The following RAPGEF5 variants were observed in gnomAD, a reference collection of about 807,000 sequenced individuals.
RAPGEF5 encodes M-Ras-regulated GEF.
RAPGEF5 carries 65 observed loss-of-function variants against 125.2 expected under a neutral mutation model. The observed-to-expected ratio is 0.52, with a 90% CI of 0.43 to 0.64. The LOEUF (loss-of-function observed/expected upper bound fraction) is 0.64. Ranked by LOEUF, RAPGEF5 falls within the 30% of genes least tolerant of loss-of-function variation. The pLI, the probability that RAPGEF5 is intolerant of heterozygous loss-of-function variation, is 0.00. For missense variants in RAPGEF5, 958 were observed against 1,048.1 expected, an observed-to-expected ratio of 0.91 and a Z score of 1.19; for synonymous variants, 391 against 385.9, an observed-to-expected ratio of 1.01 and a Z score of -0.16.
intron 6 of RAPGEF5, among the ~76,000 whole-genome samples, chr7:22,279,346 A>G (rs1293633761): frequency 6.6e-6 from 1 of 152,136 alleles, no homozygotes; most frequent in East Asian, 1.9e-4. Flanking sequence ...TCCAAACTCA[A>G]ATTAAATTAA....
intron 7 of RAPGEF5, among the ~76,000 whole-genome samples, chr7:22,252,735 T>C (rs1161016599): frequency 6.6e-6 from 1 of 152,150 alleles, no homozygotes; most frequent in Non-Finnish European, 1.5e-5. Context: ...AAAGATAGTG[T>C]CATGGGACTT....
At chr7:22,203,188 A>G (rs770806132) in intron 9 of RAPGEF5, among the ~76,000 whole-genome samples, 16 of 152,168 alleles carry the variant, frequency 1.1e-4, no homozygotes, top group Non-Finnish European at 1.9e-4. Flanking sequence ...CGGAACCTGC[A>G]GAAAAGGAGG....
Position 22,156,868 on chromosome 7 carries a change from T to G in RAPGEF5, c.1578A>C (p.Gln526His). The G allele has an allele frequency of 1.2e-6, 2 of 1,613,928 alleles. No individual in the cohort carries two copies. The highest frequency in any genetic ancestry group is 1.7e-6 in the Non-Finnish European group (2 of 1,179,840). ...PQKKNKALFH[Q>H]FSLKENWLQH... ...GGAGCCAGTTCTCCTTAAGACTGAA[T>G]TGGTGGAAAAGGGCTTTATTCTGTG... Residue 526 changes from glutamine to histidine, a missense_variant, in exon 16 of 26, where the codon CAA becomes CAC. Physicochemically the swap from Gln to His is conservative, Grantham distance 24. Transcript: ENST00000665637.
intron 1 of RAPGEF5, among the ~76,000 whole-genome samples, chr7:22,349,368 G>A (rs1784287053): frequency 6.6e-6 from 1 of 150,526 alleles, no homozygotes; most frequent in Admixed American, 6.6e-5. Context: ...AGGTTGCAGT[G>A]GGCTGAGATC....
chr7:22,132,317 C>CTA (rs1562705384), intron 23 of RAPGEF5, among the ~76,000 whole-genome samples: 4 of 151,868 alleles, frequency 2.6e-5, no homozygotes, highest in Non-Finnish European at 5.9e-5. Flanking sequence ...TTCCTCAAGG[C>CTA]GTTATACACA....
intron 2 of RAPGEF5, among the ~76,000 whole-genome samples, chr7:22,316,909 T>C (rs1783612381): frequency 6.6e-6 from 1 of 150,838 alleles, no homozygotes; most frequent in Admixed American, 6.6e-5. Context: ...TGATATCATC[T>C]CCTAAATACA....
At chr7:22,178,908 T>C (rs1304587821) in intron 11 of RAPGEF5, among the ~76,000 whole-genome samples, 1 of 152,142 alleles carries the variant, frequency 6.6e-6, no homozygotes, top group Admixed American at 6.5e-5. Context: ...GCTCCCATCC[T>C]GAAGCTATCT....
At chr7:22,158,464 G>C (rs1335949049) in intron 14 of RAPGEF5, among the ~76,000 whole-genome samples, 4 of 152,018 alleles carry the variant, frequency 2.6e-5, no homozygotes, top group Non-Finnish European at 5.9e-5. Context: ...ACATCATTAG[G>C]TGAACTATAA....
chr7:22,306,565 A>G (rs1783346856), intron 5 of RAPGEF5, among the ~76,000 whole-genome samples: 1 of 152,154 alleles, frequency 6.6e-6, no homozygotes. Flanking sequence ...GAAGATCTTC[A>G]ACTTAATGTG....
intron 6 of RAPGEF5, among the ~76,000 whole-genome samples, chr7:22,272,054 G>T (rs567258750): frequency 6.6e-6 from 1 of 152,090 alleles, no homozygotes; most frequent in South Asian, 2.1e-4. Flanking sequence ...GAAAGTCAAG[G>T]AAAGTTGGGC....
At chr7:22,150,373 T>C in intron 18 of RAPGEF5, 34 bp downstream of exon 18, 2 of 1,588,738 alleles carry the variant, frequency 1.3e-6, no homozygotes, top group Non-Finnish European at 1.7e-6. Context: ...TCGCCTGGCC[T>C]GTTTGTTTCA....
intron 6 of RAPGEF5, among the ~76,000 whole-genome samples, chr7:22,270,818 T>G (rs952837528): frequency 1.3e-5 from 2 of 152,234 alleles, no homozygotes; most frequent in Non-Finnish European, 1.5e-5. Context: ...CATTAATATT[T>G]CTTCCATGAA....
At chr7:22,283,101 A>G (rs887182473) in intron 6 of RAPGEF5, among the ~76,000 whole-genome samples, 20 of 151,918 alleles carry the variant, frequency 1.3e-4, no homozygotes, top group African/African-American at 4.3e-4. Flanking sequence ...AGTAATAATA[A>G]TTTATTTCTG....
rs564645496 is a variant in RAPGEF5, at chr7:22,151,186, G to T, written c.1787-682C>A. Reference sequence around the variant, plus strand: ...GGCACGGGGCCTGGCACATAACTGGGGTTTGGTAAATGGGATCTATTATTA... The same window carrying T: ...GGCACGGGGCCTGGCACATAACTGGTGTTTGGTAAATGGGATCTATTATTA... On this transcript the variant is annotated intron_variant, in intron 17 of 25. Coordinates refer to ENST00000665637, the MANE Select transcript of RAPGEF5 (RefSeq NM_012294.5). Among the ~76,000 whole-genome samples, 3 of 152,128 alleles carry T rather than the reference G, an allele frequency of 2.0e-5. No individual in the cohort carries two copies. In the South Asian group the frequency reaches 6.2e-4, roughly 32 times the overall value.
intron 9 of RAPGEF5, among the ~76,000 whole-genome samples, chr7:22,202,675 C>T (rs985266846): frequency 4.6e-5 from 7 of 152,122 alleles, no homozygotes; most frequent in Non-Finnish European, 8.8e-5. Context: ...GGGTAATAAC[C>T]AATTCTGAAT....
At chr7:22,182,956 G>C (rs1416444214) in intron 11 of RAPGEF5, among the ~76,000 whole-genome samples, 1 of 152,166 alleles carries the variant, frequency 6.6e-6, no homozygotes, top group Non-Finnish European at 1.5e-5. Context: ...ACTATTATTA[G>C]GTCCTCATAG....
At chr7:22,174,032 T>C (rs10244186) in intron 11 of RAPGEF5, among the ~76,000 whole-genome samples, 46,633 of 151,990 alleles carry the variant, frequency 0.31, 8,017 homozygotes, top group Non-Finnish European at 0.38. Context: ...CTTAGTTAAG[T>C]CACCTGTAAA....
intron 7 of RAPGEF5, among the ~76,000 whole-genome samples, chr7:22,256,007 G>C (rs1411367984): frequency 6.6e-6 from 1 of 152,160 alleles, no homozygotes; most frequent in Non-Finnish European, 1.5e-5. Context: ...TCTTGTGATT[G>C]AGACAGTGCA....
At chr7:22,322,977 T>C (rs1365909900) in intron 1 of RAPGEF5, among the ~76,000 whole-genome samples, 1 of 152,200 alleles carries the variant, frequency 6.6e-6, no homozygotes, top group Non-Finnish European at 1.5e-5. Flanking sequence ...GCACATGCCT[T>C]GCTGAATGAA....
Sources: gnomAD v4.1 joint callset for allele counts (sites outside exome capture counted in the v4.1 genomes callset) on GRCh38, gnomAD v4.1.1 for gene constraint, MANE v1.5 for transcripts, NCBI Gene and HGNC (gene_info 2026-07-23, HGNC 2026-07-21) for gene names.